MRTFA: variants seen among roughly 807,000 people sequenced by gnomAD.
MRTFA encodes the protein myocardin-related transcription factor A.
In MRTFA, 20 loss-of-function variants were observed where a neutral mutation model predicts 83.5. The ratio of observed to expected loss-of-function variants is 0.24; its 90% CI spans 0.17 to 0.35. The LOEUF (loss-of-function observed/expected upper bound fraction) is 0.35. Among genes scored for constraint, MRTFA ranks in the 10% least tolerant of loss-of-function variants. The probability of loss-of-function intolerance (pLI) is 1.00; values close to 1 mark genes in which losing one functional copy is unlikely to be tolerated. For synonymous variants in MRTFA, 659 were observed against 541.2 expected, an observed-to-expected ratio of 1.22 and a Z score of -3.02; for missense variants, 1,200 against 1,224.7, an observed-to-expected ratio of 0.98 and a Z score of 0.30.
intron 4 of MRTFA, among the ~76,000 whole-genome samples, chr22:40,441,569 G>C (rs887897130): frequency 8.5e-5 from 13 of 152,260 alleles, no homozygotes; most frequent in Admixed American, 8.5e-4. Context: ...TGGATCACCT[G>C]AGGTCAGGAG....
At chr22:40,477,815 G>A (rs2054023342) in intron 3 of MRTFA, among the ~76,000 whole-genome samples, 1 of 151,788 alleles carries the variant, frequency 6.6e-6, no homozygotes, top group Non-Finnish European at 1.5e-5. Flanking sequence ...GAAAGGGGAA[G>A]GAGAGGAGGG....
chr22:40,615,686 CTTT>C (rs59431175), intron 1 of MRTFA, among the ~76,000 whole-genome samples: 5 of 142,334 alleles, frequency 3.5e-5, no homozygotes, highest in East Asian at 4.0e-4. Context: ...ATTTTCTTTT[CTTT>C]TTTTTTTTTT....
At chr22:40,629,835 G>C (rs902674313) in intron 1 of MRTFA, among the ~76,000 whole-genome samples, 3 of 149,186 alleles carry the variant, frequency 2.0e-5, no homozygotes, top group African/African-American at 7.4e-5. Context: ...TGTTGTCCTA[G>C]CTACTCAGGA....
intron 4 of MRTFA, among the ~76,000 whole-genome samples, chr22:40,461,090 T>C: frequency 6.7e-6 from 1 of 150,206 alleles, no homozygotes. Flanking sequence ...GTCCCAGGGC[T>C]ATTCAGGAGG....
At chr22:40,473,988 C>T (rs2053954097) in intron 3 of MRTFA, among the ~76,000 whole-genome samples, 1 of 152,142 alleles carries the variant, frequency 6.6e-6, no homozygotes, top group African/African-American at 2.4e-5. Flanking sequence ...AGCATCACTA[C>T]CAATATAAGG....
chr22:40,457,436 G>GAAAGAAAGAAAGAAAGAA (rs774183094), intron 4 of MRTFA, among the ~76,000 whole-genome samples: 3 of 119,818 alleles, frequency 2.5e-5, no homozygotes, highest in African/African-American at 6.5e-5. Flanking sequence ...AAGAAAGAAA[G>GAAAGAAAGAAAGAAAGAA]AGAAAGAAAG....
At chr22:40,516,275 C>T (rs553508747) in intron 3 of MRTFA, among the ~76,000 whole-genome samples, 3 of 151,750 alleles carry the variant, frequency 2.0e-5, no homozygotes, top group South Asian at 2.1e-4. Context: ...AAAAATTAGC[C>T]GGCTGTGGTG....
At chr22:40,412,194 T>G (rs1333188317) in intron 14 of MRTFA, 1 of 254,010 alleles carries the variant, frequency 3.9e-6, no homozygotes, top group Non-Finnish European at 7.4e-6. Flanking sequence ...GAACAGACAT[T>G]TTTCCAAAGA....
intron 12 of MRTFA, among the ~76,000 whole-genome samples, 180 bp downstream of exon 12, chr22:40,418,193 AG>A (rs1036446736): frequency 2.3e-4 from 35 of 152,316 alleles, no homozygotes; most frequent in Admixed American, 9.1e-4. Flanking sequence ...CCCTACAGCT[AG>A]GGGGTCTGAG....
chr22:40,438,837 T>A (rs1265727461), intron 4 of MRTFA, among the ~76,000 whole-genome samples: 3 of 151,684 alleles, frequency 2.0e-5, no homozygotes, highest in African/African-American at 7.3e-5. Flanking sequence ...CACTAGGGGG[T>A]CTTGGCACGT....
Position 40,414,839 on chromosome 22 carries a change from A to T in MRTFA, c.2578+2147T>A, listed in dbSNP as rs199804108. ...ACCTAATACCTCTGATTGTACATTT[A>T]AAAAATGATTAGAATGGCAAATTTT... On this transcript the variant is annotated intron_variant, in intron 14 of 14. Coordinates refer to ENST00000355630, the MANE Select transcript of MRTFA (RefSeq NM_020831.6). Among the ~76,000 whole-genome samples the T allele has an allele frequency of 1.1e-4, 17 of 152,300 alleles. No individual in the cohort carries two copies. The East Asian group carries it at 3.1e-3, about 28-fold the overall frequency.
At chr22:40,466,149 G>T (rs1207392954) in intron 3 of MRTFA, among the ~76,000 whole-genome samples, 1 of 152,124 alleles carries the variant, frequency 6.6e-6, no homozygotes, top group Non-Finnish European at 1.5e-5. Flanking sequence ...GAATTCAGGT[G>T]ATCAACTTCA....
chr22:40,417,556 A>T, intron 12 of MRTFA, 63 bp from the exon 13 acceptor site: 12 of 41,062 alleles, frequency 2.9e-4, no homozygotes, highest in East Asian at 1.0e-3. Flanking sequence ...CCTGCCTTGT[A>T]GGGGGCGGGG....
chr22:40,616,943 A>C (rs529686510), intron 1 of MRTFA, among the ~76,000 whole-genome samples: 3 of 151,624 alleles, frequency 2.0e-5, no homozygotes, highest in African/African-American at 7.3e-5. Context: ...TTCTACAAAA[A>C]AATACAAAAA....
chr22:40,567,569 C>T (rs2055724494), intron 2 of MRTFA, among the ~76,000 whole-genome samples: 1 of 152,152 alleles, frequency 6.6e-6, no homozygotes, highest in Non-Finnish European at 1.5e-5. Context: ...CTCCATGCAG[C>T]AATCAGCCTA....
chr22:40,471,506 G>C (rs1175518498), intron 3 of MRTFA, among the ~76,000 whole-genome samples: 1 of 152,206 alleles, frequency 6.6e-6, no homozygotes, highest in African/African-American at 2.4e-5. Flanking sequence ...TGTATAACAA[G>C]TAAGGAGACT....
intron 3 of MRTFA, among the ~76,000 whole-genome samples, chr22:40,525,463 T>C (rs56176870): frequency 2.6e-5 from 4 of 152,094 alleles, no homozygotes; most frequent in South Asian, 4.2e-4. Flanking sequence ...ATCCCACCAC[T>C]GCACTCCAGC....
intron 3 of MRTFA, among the ~76,000 whole-genome samples, chr22:40,476,037 G>A (rs1006485125): frequency 3.9e-5 from 6 of 151,908 alleles, no homozygotes; most frequent in African/African-American, 1.2e-4. Context: ...CCAGCTACTC[G>A]GGAGGCTGAG....
intron 4 of MRTFA, among the ~76,000 whole-genome samples, chr22:40,447,214 T>C (rs2053395967): frequency 6.6e-6 from 1 of 151,718 alleles, no homozygotes; most frequent in Non-Finnish European, 1.5e-5. Flanking sequence ...AAATTAGGCA[T>C]GGTGGCGCGC....
Sources: gnomAD v4.1 joint callset for allele counts (sites outside exome capture counted in the v4.1 genomes callset) on GRCh38, gnomAD v4.1.1 for gene constraint, MANE v1.5 for transcripts, NCBI Gene and HGNC (gene_info 2026-07-23, HGNC 2026-07-21) for gene names.